Variants in TANC1 observed in about 807,000 individuals in gnomAD.
The protein encoded by TANC1 is tetratricopeptide repeat, ankyrin repeat and coiled-coil containing 1.
Under a neutral mutation model 149.7 loss-of-function variants are expected in TANC1, and 77 were observed. That is an observed-to-expected ratio of 0.51 (90% CI 0.43 to 0.62). TANC1 has a LOEUF of 0.62. TANC1 is among the 20% of genes least tolerant of loss of function. TANC1 has a pLI of 0.00. For synonymous variants in TANC1, 854 were observed against 925.0 expected (o/e 0.92, Z 1.39); for missense variants, 1,985 against 2,321.8 (o/e 0.85, Z 2.98).
At chr2:159,212,396 G>T (rs775986765) in intron 19 of TANC1, among the ~76,000 whole-genome samples, 9 of 152,186 alleles carry the variant, frequency 5.9e-5, no homozygotes, top group Non-Finnish European at 1.3e-4. Context: ...TCTAGCGTAA[G>T]AATCATGCGT....
Position 159,230,660 on chromosome 2 carries a change from A to T in TANC1, c.5234A>T (p.His1745Leu). Residue 1745 changes from histidine (H) to leucine (L), a missense_variant, in exon 27 of 27, where the codon CAC (histidine) becomes CTC (leucine). Physicochemically the swap from His to Leu is moderately conservative, Grantham distance 99. Transcript: ENST00000263635. This position sits in a 1 kb window ranked among gnomAD's most constrained non-coding sequence, Gnocchi z 4.4. ...QQSNPPSRSW[H>L]CPAPEGLLTN... ...AGCAATCCTCCAAGCCGCAGCTGGC[A>T]CTGTCCGGCACCAGAGGGGCTGCTG... The T allele has an allele frequency of 6.2e-7, 1 of 1,614,232 alleles. No individual in the cohort carries two copies. Among genetic ancestry groups the T allele is most frequent in the Non-Finnish European group, 8.5e-7 (1 of 1,180,044 alleles).
chr2:158,968,976 A>G (rs933463947), intron 1 of TANC1, among the ~76,000 whole-genome samples, 194 bp downstream of exon 1: 1 of 151,380 alleles, frequency 6.6e-6, no homozygotes, highest in Non-Finnish European at 1.5e-5. Context: ...ATAGGCACAG[A>G]CATGTTGGGC....
At chr2:159,218,027 C>T (rs1025489571) in intron 20 of TANC1, among the ~76,000 whole-genome samples, 2 of 152,126 alleles carry the variant, frequency 1.3e-5, no homozygotes, top group African/African-American at 4.8e-5. Context: ...AAAATGTTTC[C>T]CTCTGGTCCA....
At chr2:159,084,880 C>T (rs187837) in intron 3 of TANC1, among the ~76,000 whole-genome samples, 105,858 of 152,018 alleles carry the variant, frequency 0.7, 37,045 homozygotes, top group Non-Finnish European at 0.73. Flanking sequence ...GTTCTGACTC[C>T]GGAGTCAAAC....
chr2:159,025,974 G>T (rs867198955), intron 2 of TANC1, among the ~76,000 whole-genome samples: 2 of 152,052 alleles, frequency 1.3e-5, no homozygotes, highest in African/African-American at 4.8e-5. Context: ...TCACTCTATC[G>T]CCCAGGCTGG....
intron 19 of TANC1, among the ~76,000 whole-genome samples, chr2:159,203,530 A>C (rs1285897328): frequency 6.6e-6 from 1 of 151,830 alleles, no homozygotes; most frequent in Non-Finnish European, 1.5e-5. Flanking sequence ...GATGTGGCTT[A>C]TTTGATAGGA....
At position 159,104,220 on chromosome 2, in the gene TANC1, T is replaced by C. The variant is rs552690949; in HGVS notation, c.259+6386T>C. Among the ~76,000 whole-genome samples the C allele has an allele frequency of 3.1e-5, 3 of 96,402 alleles. 1 individual carries two copies. The highest frequency in any genetic ancestry group is 8.6e-5 in the African/African-American group (3 of 34,840). The allele number at this position is 96,402 out of a possible 152,430, so 63.2% of individuals were successfully genotyped here. On this transcript the variant is annotated intron_variant, in intron 4 of 26. Coordinates refer to ENST00000263635, the MANE Select transcript of TANC1 (RefSeq NM_033394.3). ...CTGTGAACGTGACGCACAGATTTTCTGTTGTACTTGAACATGTGTTCATAC... is the reference window on the plus strand; with the variant it reads ...CTGTGAACGTGACGCACAGATTTTCCGTTGTACTTGAACATGTGTTCATAC...
At chr2:159,225,953 G>A in intron 24 of TANC1, 174 bp downstream of exon 24, 1 of 649,388 alleles carries the variant, frequency 1.5e-6, no homozygotes, top group Non-Finnish European at 2.8e-6. Context: ...AGGCCGAGGT[G>A]GGCAGATCAC....
At chr2:159,043,320 C>T (rs556034716) in intron 2 of TANC1, among the ~76,000 whole-genome samples, 11 of 151,996 alleles carry the variant, frequency 7.2e-5, no homozygotes, top group Non-Finnish European at 1.2e-4. Flanking sequence ...GAGGAACTTA[C>T]GGGCATCCCT....
chr2:159,201,769 A>C (rs2058266096), intron 19 of TANC1, among the ~76,000 whole-genome samples: 1 of 152,226 alleles, frequency 6.6e-6, no homozygotes. Flanking sequence ...TGAAACCTTA[A>C]GTATGTTTAC....
At chr2:159,041,818 T>G (rs752621489) in intron 2 of TANC1, among the ~76,000 whole-genome samples, 2 of 152,210 alleles carry the variant, frequency 1.3e-5, no homozygotes, top group African/African-American at 2.4e-5. Context: ...CCAGCTGAGA[T>G]GAACCAGGCA....
Position 159,194,436 on chromosome 2 carries a change from C to G in TANC1, c.2922C>G (p.Tyr974Ter), listed in dbSNP as rs771366025. 3 of 1,614,152 alleles carry G rather than the reference C, an allele frequency of 1.9e-6. No individual in the cohort carries two copies. The highest frequency in any genetic ancestry group is 2.5e-6 in the Non-Finnish European group (3 of 1,180,062). ...AGAACGGCATGACTGCCCTCTGTTA[C>G]GCAGCAGCTGCTGGCCACATGAAGC... ...TSENGMTALC[Y>*]AAAAGHMKLV... The change falls in exon 17 of 27, where the codon TAC becomes TAG. Residue 974 changes from tyrosine to a stop codon, truncating the protein, a stop_gained. Transcript: ENST00000263635. LOFTEE classifies it high-confidence loss of function.
At chr2:158,981,761 A>C (rs1475780271) in intron 1 of TANC1, among the ~76,000 whole-genome samples, 1 of 151,724 alleles carries the variant, frequency 6.6e-6, no homozygotes, top group Non-Finnish European at 1.5e-5. Context: ...ATTCCGAATG[A>C]CAAGTATCTG....
chr2:159,191,168 C>T (rs530952095), intron 16 of TANC1, among the ~76,000 whole-genome samples: 2 of 152,106 alleles, frequency 1.3e-5, no homozygotes, highest in East Asian at 3.9e-4. Context: ...AGGTGGTTGG[C>T]TGGCTCCTTG....
rs766276740 is a variant in TANC1, at chr2:159,186,843, G to C, written c.2620-59G>C. ...TCAGAGTGACCCTGCAGGTGGGAAG[G>C]AGATGCTCAGGCAGATCTGTCTCTG... is the stretch of plus-strand genomic sequence containing the variant. On this transcript the variant is annotated intron_variant, in intron 15 of 26. Coordinates refer to ENST00000263635, the MANE Select transcript of TANC1 (RefSeq NM_033394.3). 5.3e-5 allele frequency: 85 copies of C among 1,609,604 alleles called. No individual in the cohort carries two copies. The Admixed American group carries it at 1.4e-3, about 27-fold the overall frequency.
At chr2:158,987,387 G>C (rs935086489) in intron 1 of TANC1, among the ~76,000 whole-genome samples, 1 of 151,982 alleles carries the variant, frequency 6.6e-6, no homozygotes, top group Non-Finnish European at 1.5e-5. Flanking sequence ...TTAGCCGGCT[G>C]TGGTGGTGCA....
intron 5 of TANC1, among the ~76,000 whole-genome samples, chr2:159,142,122 A>T (rs979299735): frequency 6.6e-6 from 1 of 152,190 alleles, no homozygotes; most frequent in Non-Finnish European, 1.5e-5. Flanking sequence ...ACAGATAAAG[A>T]TGGGAGATCA....
At chr2:159,055,449 T>A (rs2149618351) in intron 2 of TANC1, among the ~76,000 whole-genome samples, 1 of 152,328 alleles carries the variant, frequency 6.6e-6, no homozygotes, top group Admixed American at 6.5e-5. Context: ...TACCCTCAGT[T>A]CATTGAGGAC....
At chr2:159,111,225 G>C (rs1199066197) in intron 4 of TANC1, among the ~76,000 whole-genome samples, 2 of 152,348 alleles carry the variant, frequency 1.3e-5, no homozygotes, top group East Asian at 1.9e-4. Context: ...CTATGGAAAT[G>C]AGAGCCTGTG....
Sources: gnomAD v4.1 joint callset for allele counts (sites outside exome capture counted in the v4.1 genomes callset) on GRCh38, gnomAD v4.1.1 for gene constraint, Gnocchi (gnomAD v3.1) non-coding constraint, MANE v1.5 for transcripts, NCBI Gene and HGNC (gene_info 2026-07-23, HGNC 2026-07-21) for gene names.